The following LCP1 variants were observed in gnomAD, a reference collection of about 807,000 sequenced individuals.
LCP1 encodes the protein lymphocyte cytosolic protein 1, also known as plastin-2.
LCP1 carries 23 observed loss-of-function variants against 72.0 expected under a neutral mutation model. That is an observed-to-expected ratio of 0.32 (90% CI 0.23 to 0.45). The LOEUF (loss-of-function observed/expected upper bound fraction) is 0.45. Ranked by LOEUF, LCP1 falls within the 20% of genes least tolerant of loss-of-function variation. The probability of loss-of-function intolerance (pLI) is 1.00; values close to 1 mark genes in which losing one functional copy is unlikely to be tolerated. For missense variants in LCP1, 571 were observed against 748.3 expected (o/e 0.76, Z 2.76); for synonymous variants, 245 against 275.4 (o/e 0.89, Z 1.09).
chr13:46,159,782 A>AT, intron 1 of LCP1, 96 bp from the exon 2 acceptor site: 1 of 705,486 alleles, frequency 1.4e-6, no homozygotes, highest in South Asian at 1.7e-5. Context: ...ATGAAGAAAT[A>AT]TTCTTCTGCA....
intron 8 of LCP1, among the ~76,000 whole-genome samples, chr13:46,150,249 T>G (rs17067780): frequency 0.011 from 1,736 of 152,354 alleles, 33 homozygotes; most frequent in African/African-American, 0.039. Context: ...TAGGGACCGC[T>G]TTCCATTCCT....
intron 1 of LCP1, among the ~76,000 whole-genome samples, chr13:46,175,356 G>A (rs896422655): frequency 4.6e-5 from 7 of 152,134 alleles, no homozygotes; most frequent in African/African-American, 1.7e-4. Context: ...TTTTATAGAT[G>A]AGGAAACTGA....
chr13:46,127,632 C>T lies in LCP1; in HGVS notation c.1843G>A (p.Val615Met), dbSNP rs372063901. The T allele has an allele frequency of 2.2e-5, 35 of 1,614,152 alleles. No individual in the cohort carries two copies. Among genetic ancestry groups the T allele is most frequent in the Admixed American group, 1.3e-4 (8 of 60,022 alleles). The change falls in exon 16 of 16, where the codon GTG becomes ATG. Residue 615 changes from valine (V) to methionine (M), a missense_variant. Coordinates refer to ENST00000323076, the MANE Select transcript of LCP1 (RefSeq NM_002298.5). The stretch of plus-strand genomic sequence containing the variant: ...CCTTTCCCCATGAGGCAGGCAAACA[C>T]GGTCATGACCATTTTGGGGTTCACT... ...VEVNPKMVMT[V>M]FACLMGKGMK...
chr13:46,152,963 T>C lies in LCP1; in HGVS notation c.574-18A>G, dbSNP rs374443534. ...AGATTTTCCTGAGGGAGAAAATGTATGCAAGTTTTTGTTCTATGACTTTGT... is the reference window on the plus strand; with the variant it reads ...AGATTTTCCTGAGGGAGAAAATGTACGCAAGTTTTTGTTCTATGACTTTGT... On this transcript the variant is annotated intron_variant, in intron 6 of 15. Coordinates refer to ENST00000323076, the MANE Select transcript of LCP1 (RefSeq NM_002298.5). 2.5e-6 allele frequency: 4 copies of C among 1,600,134 alleles called. No homozygotes were observed. The highest frequency in any genetic ancestry group is 4.5e-5 in the East Asian group (2 of 44,722).
At chr13:46,127,939 T>G (rs566068221) in intron 15 of LCP1, among the ~76,000 whole-genome samples, 10 of 152,154 alleles carry the variant, frequency 6.6e-5, no homozygotes, top group Middle Eastern at 3.4e-3. Flanking sequence ...AGTCTCGTGA[T>G]CATTATCAAG....
intron 1 of LCP1, among the ~76,000 whole-genome samples, chr13:46,176,395 A>T (rs34734715): frequency 0.18 from 27,465 of 152,152 alleles, 3,000 homozygotes; most frequent in African/African-American, 0.3. Context: ...TTGAATGCAC[A>T]CACATCTATT....
At chr13:46,175,386 C>G (rs1013462628) in intron 1 of LCP1, among the ~76,000 whole-genome samples, 6 of 152,220 alleles carry the variant, frequency 3.9e-5, no homozygotes, top group Non-Finnish European at 8.8e-5. Context: ...GCTCCAGAGA[C>G]TTGCTCAGCC....
rs377239539 is a variant in LCP1, at chr13:46,150,658, T to C, written c.882+278A>G. ...TATTCCCTTTACTTGGACAGCAGAC[T>C]GTTCTCTTGCTCTTCCTCTAGCTCA... On this transcript the variant is annotated intron_variant, in intron 8 of 15. Coordinates refer to ENST00000323076, the MANE Select transcript of LCP1 (RefSeq NM_002298.5). Among the ~76,000 whole-genome samples, 7 of 152,310 alleles carry C rather than the reference T, an allele frequency of 4.6e-5. No individual in the cohort carries two copies. The South Asian group carries it at 6.2e-4, about 14-fold the overall frequency.
At chr13:46,132,669 T>C (rs550023077) in intron 14 of LCP1, among the ~76,000 whole-genome samples, 3 of 152,200 alleles carry the variant, frequency 2.0e-5, no homozygotes, top group South Asian at 4.1e-4. Context: ...TCCAAATCTC[T>C]TTCTGGAAGA....
chr13:46,181,621 T>C (rs1332740496), intron 1 of LCP1, among the ~76,000 whole-genome samples: 3 of 152,212 alleles, frequency 2.0e-5, no homozygotes, highest in Non-Finnish European at 4.4e-5. Context: ...CATATGACTC[T>C]AGATAATTTA....
At chr13:46,130,969 A>T (rs753013287) in intron 14 of LCP1, 31 bp from the exon 15 acceptor site, 1 of 1,555,070 alleles carries the variant, frequency 6.4e-7, no homozygotes, top group Admixed American at 2.2e-5. Context: ...GGTTTCATCA[A>T]CGTGTCCCAA....
Position 46,156,567 on chromosome 13 carries a change from T to C in LCP1, c.362A>G (p.Glu121Gly). 3 of 1,614,172 alleles carry C rather than the reference T, an allele frequency of 1.9e-6. No individual in the cohort carries two copies. Among genetic ancestry groups the C allele is most frequent in the Non-Finnish European group, 2.5e-6 (3 of 1,180,022 alleles). ...CCAGTTGACAAAGGCATACTTTTCT[T>C]CCTCTGCAAGTAAATGATTAAAGTG... ...SVGTQHSYSE[E>G]EKYAFVNWIN... The change falls in exon 5 of 16, where the codon GAA becomes GGA. Residue 121 changes from glutamate to glycine, a missense_variant. Physicochemically the swap from Glu to Gly is moderately conservative, Grantham distance 98. Coordinates refer to ENST00000323076, the MANE Select transcript of LCP1 (RefSeq NM_002298.5).
intron 1 of LCP1, among the ~76,000 whole-genome samples, chr13:46,163,445 G>C (rs1298842984): frequency 1.3e-5 from 2 of 152,032 alleles, no homozygotes; most frequent in African/African-American, 4.8e-5. Context: ...CAGCATGCTC[G>C]TTAAGAGTCA....
chr13:46,146,142 C>T (rs192284460), intron 10 of LCP1, among the ~76,000 whole-genome samples: 76 of 152,082 alleles, frequency 5.0e-4, no homozygotes, highest in African/African-American at 1.8e-3. Context: ...ACACACAACC[C>T]CCTGACCATA....
At chr13:46,148,977 T>C (rs2045747267) in intron 8 of LCP1, among the ~76,000 whole-genome samples, 1 of 152,160 alleles carries the variant, frequency 6.6e-6, no homozygotes, top group Non-Finnish European at 1.5e-5. Context: ...AAAAGTGCAT[T>C]TCATATTTAT....
At chr13:46,142,195 A>G (rs1431310477) in intron 13 of LCP1, 97 bp downstream of exon 13, 21 of 1,255,786 alleles carry the variant, frequency 1.7e-5, no homozygotes, top group Non-Finnish European at 2.1e-5. Flanking sequence ...CTTAAAACAT[A>G]CTTTTACTGA....
chr13:46,163,560 T>G (rs2045858662), intron 1 of LCP1, among the ~76,000 whole-genome samples: 1 of 151,394 alleles, frequency 6.6e-6, no homozygotes, highest in African/African-American at 2.4e-5. Context: ...GTTTATCTGC[T>G]GACCTTCCCT....
In LCP1 at chr13:46,134,137, G is replaced by A; in HGVS notation, c.1616C>T (p.Ser539Phe). The A allele has an allele frequency of 6.2e-7, 1 of 1,613,504 alleles. No homozygotes were observed. Among genetic ancestry groups the A allele is most frequent in the Non-Finnish European group, 8.5e-7 (1 of 1,179,634 alleles). Residue 539 changes from serine (S) to phenylalanine (F), a missense_variant, in exon 14 of 16, where the codon TCT becomes TTT. Coordinates refer to ENST00000323076, the MANE Select transcript of LCP1 (RefSeq NM_002298.5). ...GACAAAGAATTTTACCTTGAAACTA[G>A]AGATGGATGAACTTTTCTTTGCTTC... ...LREAKKSSSI[S>F]SFKDPKISTS...
chr13:46,142,238 T>G, intron 13 of LCP1, 54 bp downstream of exon 13: 3 of 1,565,350 alleles, frequency 1.9e-6, no homozygotes, highest in Non-Finnish European at 2.6e-6. Context: ...TTGCTAATAT[T>G]TGTCTAAGTA....
Sources: gnomAD v4.1 joint callset for allele counts (sites outside exome capture counted in the v4.1 genomes callset) on GRCh38, gnomAD v4.1.1 for gene constraint, MANE v1.5 for transcripts, NCBI Gene and HGNC (gene_info 2026-07-23, HGNC 2026-07-21) for gene names.